Variants in HOXC13 observed in about 807,000 individuals in gnomAD.
HOXC13 encodes the protein homeobox protein Hox-C13.
HOXC13 carries 10 observed loss-of-function variants against 25.9 expected under a neutral mutation model. The observed-to-expected ratio is 0.39, with a 90% confidence interval of 0.24 to 0.65. The LOEUF is 0.65. Among genes scored for constraint, HOXC13 ranks in the 30% least tolerant of loss-of-function variants. HOXC13 has a pLI of 0.50. For missense variants in HOXC13, 439 were observed against 478.3 expected, an observed-to-expected ratio of 0.92 and a Z score of 0.77; for synonymous variants, 233 against 217.1, an observed-to-expected ratio of 1.07 and a Z score of -0.64.
Position 53,939,324 on chromosome 12 carries a change from C to T in HOXC13, c.418C>T (p.Leu140=). The T allele has an allele frequency of 6.3e-7, 1 of 1,594,212 alleles. No homozygotes were observed. Among genetic ancestry groups the T allele is most frequent in the Non-Finnish European group, 8.5e-7 (1 of 1,171,588 alleles). ...YGCRLSHNVN[L]QQKPCAYHPG... ...CTGCCGCCTGTCGCACAACGTGAAC[C>T]TGCAGCAGAAGCCTTGCGCCTACCA... The change falls in exon 1 of 2, where the codon CTG becomes TTG. Residue 140 remains leucine, a synonymous_variant. Transcript: ENST00000243056. The surrounding 1 kb of genome is among the most constrained non-coding windows in gnomAD (Gnocchi z 6.7).
At chr12:53,942,058 G>A (rs368802710) in intron 1 of HOXC13, among the ~76,000 whole-genome samples, 4 of 151,696 alleles carry the variant, frequency 2.6e-5, no homozygotes, top group African/African-American at 7.3e-5. Context: ...GATAATTAGG[G>A]CCAAGATGTG....
chr12:53,942,600 T>G (rs547512959), intron 1 of HOXC13, among the ~76,000 whole-genome samples: 14 of 152,318 alleles, frequency 9.2e-5, no homozygotes, highest in African/African-American at 2.6e-4. Context: ...GATTGTAAGA[T>G]TAATAACTAA....
In HOXC13 at chr12:53,945,042, G is replaced by A. The variant is rs781120353; in HGVS notation, c.779G>A (p.Gly260Glu). ...CCCGAGGTGAGCAGCTACCGGCGCG[G>A]GCGCAAGAAACGCGTGCCCTACACT... is the stretch of plus-strand genomic sequence containing the variant. ...LQPEVSSYRR[G>E]RKKRVPYTKV... Residue 260 changes from glycine (G) to glutamate (E), a missense_variant, in exon 2 of 2, where the codon GGG becomes GAG. Coordinates refer to ENST00000243056, the MANE Select transcript of HOXC13 (RefSeq NM_017410.3). This position sits in a 1 kb window ranked among gnomAD's most constrained non-coding sequence, Gnocchi z 4.4. The A allele has an allele frequency of 6.2e-6, 10 of 1,613,828 alleles. No individual in the cohort carries two copies. The highest frequency in any genetic ancestry group is 1.1e-5 in the South Asian group (1 of 91,070).
Position 53,939,135 on chromosome 12 carries a change from G to T in HOXC13, c.229G>T (p.Val77Leu), listed in dbSNP as rs1322902490. The T allele has an allele frequency of 2.7e-6, 4 of 1,473,524 alleles. No homozygotes were observed. Among genetic ancestry groups the T allele is most frequent in the Non-Finnish European group, 3.6e-6 (4 of 1,123,336 alleles). The allele number at this position is 1,473,524 out of a possible 1,614,324, so 91.3% of individuals were successfully genotyped here. The change falls in exon 1 of 2, where the codon GTG becomes TTG. Residue 77 changes from valine (V) to leucine (L), a missense_variant. Transcript: ENST00000243056. The surrounding 1 kb of genome is among the most constrained non-coding windows in gnomAD (Gnocchi z 6.7). Reference protein sequence around the residue: ...SHCRDLLPHPVLGRPPAPLGA... With the variant: ...SHCRDLLPHPLLGRPPAPLGA... ...CTGCCGCGACCTGCTTCCGCACCCC[G>T]TGCTGGGCCGCCCGCCGGCTCCCCT...
chr12:53,942,076 T>C (rs1274576786), intron 1 of HOXC13, among the ~76,000 whole-genome samples: 1 of 151,278 alleles, frequency 6.6e-6, no homozygotes, highest in Non-Finnish European at 1.5e-5. Context: ...GTGTCGTGGC[T>C]TCTTCCTTCT....
At chr12:53,944,782 G>A (rs1484893643) in intron 1 of HOXC13, among the ~76,000 whole-genome samples, 6 of 152,044 alleles carry the variant, frequency 3.9e-5, no homozygotes, top group Non-Finnish European at 8.8e-5. Flanking sequence ...CTGAGTTTTT[G>A]GCGCCCCCTC....
intron 1 of HOXC13, among the ~76,000 whole-genome samples, chr12:53,943,393 T>A (rs1938642742): frequency 6.6e-6 from 1 of 152,234 alleles, no homozygotes; most frequent in Non-Finnish European, 1.5e-5. Context: ...ACTGAGAGAT[T>A]TAAAGATAAT....
In HOXC13 at chr12:53,946,101, C is replaced by T; in HGVS notation, c.*845C>T. The T allele has an allele frequency of 8.7e-6, 2 of 230,736 alleles. No homozygotes were observed. Among genetic ancestry groups the T allele is most frequent in the East Asian group, 1.2e-4 (2 of 16,250 alleles). The allele number at this position is 230,736 out of a possible 1,614,324, so 14.3% of individuals were successfully genotyped here. A position where few individuals can be genotyped will look rare whatever the true frequency, so the allele number is the denominator to read the frequency against. ...GATTAGTCCAGGTACAGAAGCAGAA[C>T]TTTTTTCTAAGGATAAACATCTCTT... is the stretch of plus-strand genomic sequence containing the variant. On this transcript the variant is annotated 3_prime_UTR_variant, in exon 2 of 2. Transcript: ENST00000243056.
At chr12:53,944,092 G>A (rs1044426404) in intron 1 of HOXC13, among the ~76,000 whole-genome samples, 2 of 152,178 alleles carry the variant, frequency 1.3e-5, no homozygotes, top group African/African-American at 4.8e-5. Flanking sequence ...GTTATGGTTG[G>A]TGCAAGGGAT....
chr12:53,939,561 C>G lies in HOXC13; in HGVS notation c.655C>G (p.Leu219Val). The G allele has an allele frequency of 1.9e-6, 3 of 1,611,860 alleles. No individual in the cohort carries two copies. The highest frequency in any genetic ancestry group is 1.7e-6 in the Non-Finnish European group (2 of 1,179,548). Residue 219 changes from leucine (L) to valine (V), a missense_variant, in exon 1 of 2, where the codon CTC becomes GTC. Coordinates refer to ENST00000243056, the MANE Select transcript of HOXC13 (RefSeq NM_017410.3). This position sits in a 1 kb window ranked among gnomAD's most constrained non-coding sequence, Gnocchi z 6.7. Reference protein sequence around the residue: ...IPVEGYQHWALSNGWDSQVYC... With the variant: ...IPVEGYQHWAVSNGWDSQVYC... ...CGTCGAAGGCTACCAGCACTGGGCT[C>G]TCTCCAATGGCTGGGACAGTCAGGT...
chr12:53,945,291 C>A lies in HOXC13; in HGVS notation c.*35C>A. On this transcript the variant is annotated 3_prime_UTR_variant, in exon 2 of 2. Coordinates refer to ENST00000243056, the MANE Select transcript of HOXC13 (RefSeq NM_017410.3). The surrounding 1 kb of genome is among the most constrained non-coding windows in gnomAD (Gnocchi z 4.4). ...CGCTGCTTGCCCCATCTATTTATGT[C>A]TCCGCTTTGTACCATAACCGAACCC... 6.2e-7 allele frequency: 1 copy of A among 1,611,276 alleles called. No homozygotes were observed. Among genetic ancestry groups the A allele is most frequent in the Non-Finnish European group, 8.5e-7 (1 of 1,178,044 alleles).
chr12:53,943,497 TA>T (rs1938644270), intron 1 of HOXC13, among the ~76,000 whole-genome samples: 1 of 152,270 alleles, frequency 6.6e-6, no homozygotes, highest in Admixed American at 6.5e-5. Flanking sequence ...AATCATAGTT[TA>T]TTCTCACAGA....
intron 1 of HOXC13, among the ~76,000 whole-genome samples, chr12:53,941,140 G>A (rs1380556517): frequency 6.6e-6 from 1 of 152,176 alleles, no homozygotes; most frequent in Non-Finnish European, 1.5e-5. Context: ...TGTATTGGCT[G>A]TAATATTTTT....
Position 53,939,701 on chromosome 12 carries a change from C to G in HOXC13, c.736+59C>G. 7.8e-7 allele frequency: 1 copy of G among 1,283,454 alleles called. No individual in the cohort carries two copies. 79.5% of individuals were successfully genotyped at this position (1,283,454 alleles called of 1,614,324 possible). A position where few individuals can be genotyped will look rare whatever the true frequency, so the allele number is the denominator to read the frequency against. ...GGACCCCTCCCCGCCCTGCCTGCCC[C>G]GGGGCTCCGCGCCCCAACCACCCCC... On this transcript the variant is annotated intron_variant, in intron 1 of 1. Transcript: ENST00000243056. This position sits in a 1 kb window ranked among gnomAD's most constrained non-coding sequence, Gnocchi z 6.7.
Position 53,941,680 on chromosome 12 carries a change from T to C in HOXC13, c.736+2038T>C, listed in dbSNP as rs185121955. ...TAAAAAAAGTATATCCCAATTGAGATTTAATACACTTGCAAATTATGGCAT... is the reference window on the plus strand; with the variant it reads ...TAAAAAAAGTATATCCCAATTGAGACTTAATACACTTGCAAATTATGGCAT... On this transcript the variant is annotated intron_variant, in intron 1 of 1. Transcript: ENST00000243056. Among the ~76,000 whole-genome samples, 9 of 152,300 alleles carry C rather than the reference T, an allele frequency of 5.9e-5. No homozygotes were observed. In the East Asian group the frequency reaches 1.7e-3, roughly 29 times the overall value.
chr12:53,944,379 G>A (rs535951384), intron 1 of HOXC13, among the ~76,000 whole-genome samples: 7 of 152,282 alleles, frequency 4.6e-5, no homozygotes, highest in Non-Finnish European at 1.0e-4. Flanking sequence ...GTCCAAAGGC[G>A]TGAAGACTCA....
In HOXC13 at chr12:53,945,215, G is replaced by A. The variant is rs767389187; in HGVS notation, c.952G>A (p.Val318Met). ...GAACCGGCGGGTCAAAGAGAAGAAG[G>A]TGGTCAGCAAATCGAAAGCGCCTCA... is the stretch of plus-strand genomic sequence containing the variant. The part of the protein sequence containing the change: ...FQNRRVKEKK[V>M]VSKSKAPHLH... The change falls in exon 2 of 2, where the codon GTG becomes ATG. Residue 318 changes from valine (V) to methionine (M), a missense_variant. Val to Met is a conservative substitution (Grantham distance 21, BLOSUM62 1). Transcript: ENST00000243056. The surrounding 1 kb of genome is among the most constrained non-coding windows in gnomAD (Gnocchi z 4.4). The A allele has an allele frequency of 5.6e-6, 9 of 1,614,142 alleles. No individual in the cohort carries two copies. The highest frequency in any genetic ancestry group is 7.6e-6 in the Non-Finnish European group (9 of 1,180,024).
In HOXC13 at chr12:53,945,669, ACCTTC is replaced by A. The variant is rs1938682916; in HGVS notation, c.*417_*421del. ...CATCCTATGACCAGGCTTTTAGAGG[ACCTTC>A]CCTAAGGGCGCAGCTTCGGAGCAGG... On this transcript the variant is annotated 3_prime_UTR_variant, in exon 2 of 2. Coordinates refer to ENST00000243056, the MANE Select transcript of HOXC13 (RefSeq NM_017410.3). This position sits in a 1 kb window ranked among gnomAD's most constrained non-coding sequence, Gnocchi z 4.4. 3.4e-6 allele frequency: 1 copy of A among 293,264 alleles called. No homozygotes were observed. The highest frequency in any genetic ancestry group is 2.1e-5 in the African/African-American group (1 of 48,082). 18.2% of individuals were successfully genotyped at this position (293,264 alleles called of 1,614,324 possible).
Position 53,945,389 on chromosome 12 carries a change from C to T in HOXC13, c.*133C>T. 9.3e-7 allele frequency: 1 copy of T among 1,070,796 alleles called. No homozygotes were observed. Among genetic ancestry groups the T allele is most frequent in the Non-Finnish European group, 1.4e-6 (1 of 740,658 alleles). The allele number at this position is 1,070,796 out of a possible 1,614,324, so 66.3% of individuals were successfully genotyped here. A position where few individuals can be genotyped will look rare whatever the true frequency, so the allele number is the denominator to read the frequency against. ...AGAGAAGAACCGCGCCGCCCGGAGG[C>T]AGAGAGGCTCCATGGCCGTGCTGCT... is the stretch of plus-strand genomic sequence containing the variant. On this transcript the variant is annotated 3_prime_UTR_variant, in exon 2 of 2. Coordinates refer to ENST00000243056, the MANE Select transcript of HOXC13 (RefSeq NM_017410.3). The surrounding 1 kb of genome is among the most constrained non-coding windows in gnomAD (Gnocchi z 4.4).
Sources: gnomAD v4.1 joint callset for allele counts (sites outside exome capture counted in the v4.1 genomes callset) on GRCh38, gnomAD v4.1.1 for gene constraint, Gnocchi (gnomAD v3.1) non-coding constraint, MANE v1.5 for transcripts, NCBI Gene and HGNC (gene_info 2026-07-23, HGNC 2026-07-21) for gene names.